Variants in MAP3K2 observed in about 807,000 individuals in gnomAD.
The protein encoded by MAP3K2 is mitogen-activated protein kinase kinase kinase 2, also known as MAP/ERK kinase kinase 2.
A neutral mutation model predicts 80.3 loss-of-function variants in MAP3K2; 24 were observed. The observed-to-expected ratio is 0.30, with a 90% confidence interval of 0.22 to 0.42. The LOEUF is 0.42. Among genes scored for constraint, MAP3K2 ranks in the 10% least tolerant of loss-of-function variants. The probability of loss-of-function intolerance (pLI) is 1.00; values close to 1 mark genes in which losing one functional copy is unlikely to be tolerated. For synonymous variants in MAP3K2, 244 were observed against 253.7 expected, an observed-to-expected ratio of 0.96 and a Z score of 0.36; for missense variants, 608 against 750.1, an observed-to-expected ratio of 0.81 and a Z score of 2.21.
rs574757636 is a variant in MAP3K2, at chr2:127,306,078, T to C, written c.*1501A>G. The C allele has an allele frequency of 6.6e-6, 1 of 152,286 alleles. No individual in the cohort carries two copies. The highest frequency in any genetic ancestry group is 2.1e-4 in the South Asian group (1 of 4,824). 9.4% of individuals were successfully genotyped at this position (152,286 alleles called of 1,614,324 possible). A position where few individuals can be genotyped will look rare whatever the true frequency, so the allele number is the denominator to read the frequency against. The stretch of plus-strand genomic sequence containing the variant: ...GTGCAATATGCAGCTGGTAAAGTGA[T>C]TGCTATTTGCTGTTTGTTGAGATTA... On this transcript the variant is annotated 3_prime_UTR_variant, in exon 17 of 17. Coordinates refer to ENST00000682094, the MANE Select transcript of MAP3K2 (RefSeq NM_001371910.2). The surrounding 1 kb of genome is among the most constrained non-coding windows in gnomAD (Gnocchi z 4.7).
At chr2:127,368,802 G>A (rs1687014920) in intron 1 of MAP3K2, among the ~76,000 whole-genome samples, 1 of 151,324 alleles carries the variant, frequency 6.6e-6, no homozygotes, top group East Asian at 1.9e-4. Context: ...TTTGAGATGA[G>A]GTCTTGTGAT....
At chr2:127,375,890 T>C (rs1687143443) in intron 1 of MAP3K2, among the ~76,000 whole-genome samples, 2 of 152,080 alleles carry the variant, frequency 1.3e-5, no homozygotes, top group South Asian at 2.1e-4. Flanking sequence ...AGTAACAATA[T>C]AGGTCACTCC....
intron 5 of MAP3K2, among the ~76,000 whole-genome samples, chr2:127,331,244 C>CT (rs200193220): frequency 4.5e-4 from 68 of 152,062 alleles, no homozygotes; most frequent in African/African-American, 1.4e-3. Context: ...AAAATATGTC[C>CT]TTTTTTTAAA....
Position 127,321,885 on chromosome 2 carries a change from C to T in MAP3K2, c.1045+161G>A, listed in dbSNP as rs1686027013. ...TAAAGTAATTAGCAGTGATACCATG[C>T]TTATACCTGACATTCCAACCACCTT... On this transcript the variant is annotated intron_variant, in intron 12 of 16. Coordinates refer to ENST00000682094, the MANE Select transcript of MAP3K2 (RefSeq NM_001371910.2). The surrounding 1 kb of genome is among the most constrained non-coding windows in gnomAD (Gnocchi z 4.4). Among the ~76,000 whole-genome samples, 1 of 152,172 alleles carries T rather than the reference C, an allele frequency of 6.6e-6. No homozygotes were observed. Among genetic ancestry groups the T allele is most frequent in the Admixed American group, 6.5e-5 (1 of 15,282 alleles).
rs1430495862 is a variant in MAP3K2, at chr2:127,339,670, CCA to C, written c.5-622_5-621del. On this transcript the variant is annotated intron_variant, in intron 2 of 16. Coordinates refer to ENST00000682094, the MANE Select transcript of MAP3K2 (RefSeq NM_001371910.2). This position sits in a 1 kb window ranked among gnomAD's most constrained non-coding sequence, Gnocchi z 4.2. Reference sequence around the variant, plus strand: ...AAAATTCCTTTCCTTAGAAAAAGTACCAAGTCCATAAAACTGAGAGAAAGCAT... The same window carrying C: ...AAAATTCCTTTCCTTAGAAAAAGTACAGTCCATAAAACTGAGAGAAAGCAT... 6.6e-6 allele frequency among the ~76,000 whole-genome samples: 1 copy of C among 152,146 alleles called. No homozygotes were observed. Among genetic ancestry groups the C allele is most frequent in the Non-Finnish European group, 1.5e-5 (1 of 68,016 alleles).
chr2:127,382,466 G>A (rs1318110136), intron 1 of MAP3K2, among the ~76,000 whole-genome samples: 1 of 152,064 alleles, frequency 6.6e-6, no homozygotes, highest in African/African-American at 2.4e-5. Context: ...TAGAATTCTA[G>A]TTTGATAGTT....
chr2:127,349,173 T>G (rs924530531), intron 1 of MAP3K2, among the ~76,000 whole-genome samples: 14 of 152,138 alleles, frequency 9.2e-5, no homozygotes, highest in African/African-American at 3.4e-4. Flanking sequence ...TTTCTTTTTT[T>G]TTTTGGAGAC....
At chr2:127,368,107 A>G (rs1173503940) in intron 1 of MAP3K2, among the ~76,000 whole-genome samples, 1 of 147,856 alleles carries the variant, frequency 6.8e-6, no homozygotes, top group Non-Finnish European at 1.5e-5. Flanking sequence ...GGATCACTTG[A>G]GGTCAGCAGT....
chr2:127,350,605 AATC>A (rs1204298286), intron 1 of MAP3K2, among the ~76,000 whole-genome samples: 1 of 152,080 alleles, frequency 6.6e-6, no homozygotes, highest in Non-Finnish European at 1.5e-5. Context: ...ACCATTCAGC[AATC>A]ATCAATAGAA....
Position 127,318,369 on chromosome 2 carries a change from T to C in MAP3K2, c.1046-52A>G, listed in dbSNP as rs1440000807. The C allele has an allele frequency of 5.5e-6, 8 of 1,448,458 alleles. No homozygotes were observed. In the African/African-American group the frequency reaches 5.7e-5, roughly 10 times the overall value. 89.7% of individuals were successfully genotyped at this position (1,448,458 alleles called of 1,614,324 possible). A position where few individuals can be genotyped will look rare whatever the true frequency, so the allele number is the denominator to read the frequency against. The stretch of plus-strand genomic sequence containing the variant: ...AAATATCAAACAGCACACAAATAAA[T>C]GGTTAATAACTAAATGAGCATACTG... On this transcript the variant is annotated intron_variant, in intron 12 of 16. Coordinates refer to ENST00000682094, the MANE Select transcript of MAP3K2 (RefSeq NM_001371910.2).
intron 1 of MAP3K2, among the ~76,000 whole-genome samples, chr2:127,368,748 T>C (rs572044403): frequency 1.3e-5 from 2 of 152,262 alleles, no homozygotes; most frequent in East Asian, 3.9e-4. Flanking sequence ...GCCATGTAAA[T>C]AGTTGTTATA....
chr2:127,383,985 T>C (rs1305247157), intron 1 of MAP3K2, among the ~76,000 whole-genome samples: 4 of 151,404 alleles, frequency 2.6e-5, no homozygotes, highest in African/African-American at 9.7e-5. Flanking sequence ...GCCATTCTCC[T>C]GCCTCAGCCT....
intron 1 of MAP3K2, among the ~76,000 whole-genome samples, chr2:127,353,307 CG>C (rs1686732267): frequency 6.6e-6 from 1 of 151,826 alleles, no homozygotes; most frequent in African/African-American, 2.4e-5. Flanking sequence ...GCCTCTGCCC[CG>C]CCGCCCCGTC....
intron 9 of MAP3K2, 46 bp downstream of exon 9, chr2:127,325,682 T>C: frequency 1.4e-6 from 2 of 1,474,802 alleles, no homozygotes; most frequent in South Asian, 2.3e-5. Flanking sequence ...CAAAACTCTG[T>C]CTCAAATAAA....
intron 1 of MAP3K2, among the ~76,000 whole-genome samples, chr2:127,362,243 G>A (rs1386811621): frequency 6.6e-6 from 1 of 152,186 alleles, no homozygotes; most frequent in Non-Finnish European, 1.5e-5. Context: ...GCAGGCAAAT[G>A]ACTTAATCTT....
intron 1 of MAP3K2, among the ~76,000 whole-genome samples, chr2:127,348,634 G>A (rs1686638991): frequency 6.6e-6 from 1 of 152,232 alleles, no homozygotes; most frequent in African/African-American, 2.4e-5. Context: ...ATCTTTTGGG[G>A]GATGAGGAAA....
Position 127,310,910 on chromosome 2 carries a change from C to T in MAP3K2, c.1457-2148G>A, listed in dbSNP as rs141615143. Reference sequence around the variant, plus strand: ...CTAATTTTAAAATTTTACTTCAATTCTTATTTTTAACTCTTCCATAACCTT... The same window carrying T: ...CTAATTTTAAAATTTTACTTCAATTTTTATTTTTAACTCTTCCATAACCTT... On this transcript the variant is annotated intron_variant, in intron 15 of 16. Coordinates refer to ENST00000682094, the MANE Select transcript of MAP3K2 (RefSeq NM_001371910.2). The surrounding 1 kb of genome is among the most constrained non-coding windows in gnomAD (Gnocchi z 4.8). Among the ~76,000 whole-genome samples the T allele has an allele frequency of 3.3e-5, 5 of 151,968 alleles. No individual in the cohort carries two copies. The East Asian group carries it at 7.7e-4, about 23-fold the overall frequency.
chr2:127,317,846 A>C, intron 13 of MAP3K2, 86 bp from the exon 14 acceptor site: 3 of 1,286,584 alleles, frequency 2.3e-6, no homozygotes, highest in Non-Finnish European at 3.2e-6. Context: ...AGGTGATTTC[A>C]TTCTGAAAAT....
chr2:127,307,884 C>CATT lies in MAP3K2; in HGVS notation c.1635-83_1635-81dup, dbSNP rs1275813947. ...AGTTAGCTAGAAAATGAGAAACAGG[C>CATT]ATTAAGTCCATATATATTTAAATAT... is the stretch of plus-strand genomic sequence containing the variant. On this transcript the variant is annotated intron_variant, in intron 16 of 16. Transcript: ENST00000682094. This position sits in a 1 kb window ranked among gnomAD's most constrained non-coding sequence, Gnocchi z 5.4. 3 of 860,378 alleles carry CATT rather than the reference C, an allele frequency of 3.5e-6. No individual in the cohort carries two copies. Among genetic ancestry groups the CATT allele is most frequent in the Non-Finnish European group, 5.4e-6 (3 of 555,746 alleles). 53.3% of individuals were successfully genotyped at this position (860,378 alleles called of 1,614,324 possible).
Sources: allele counts gnomAD v4.1 joint callset (sites outside exome capture counted in the v4.1 genomes callset), GRCh38; gene constraint gnomAD v4.1.1; non-coding constraint Gnocchi (gnomAD v3.1); transcripts MANE v1.5; gene names NCBI Gene and HGNC (gene_info 2026-07-23, HGNC 2026-07-21).